PAPPA2: variants seen among roughly 807,000 people sequenced by gnomAD.
The protein encoded by PAPPA2 is pappalysin-2.
A neutral mutation model predicts 176.4 loss-of-function variants in PAPPA2; 86 were observed. The observed-to-expected ratio is 0.49, with a 90% CI of 0.41 to 0.58. The LOEUF is 0.58. PAPPA2 is among the 20% of genes least tolerant of loss of function. The pLI is 0.00. For missense variants in PAPPA2, 2,073 were observed against 2,256.9 expected (o/e 0.92, Z 1.65); for synonymous variants, 809 against 852.2 (o/e 0.95, Z 0.88).
chr1:176,698,730 T>C (rs970476442), intron 7 of PAPPA2, among the ~76,000 whole-genome samples: 2 of 152,112 alleles, frequency 1.3e-5, no homozygotes, highest in Admixed American at 1.3e-4. Flanking sequence ...TTCAGAAGCA[T>C]TAATTTATCA....
chr1:176,804,055 T>A (rs1665793708), intron 21 of PAPPA2, among the ~76,000 whole-genome samples: 1 of 152,140 alleles, frequency 6.6e-6, no homozygotes, highest in Admixed American at 6.5e-5. Context: ...TATAACAGGG[T>A]TTTAATAGTA....
chr1:176,516,122 C>T (rs1311103645), intron 1 of PAPPA2, among the ~76,000 whole-genome samples: 1 of 152,140 alleles, frequency 6.6e-6, no homozygotes, highest in African/African-American at 2.4e-5. Flanking sequence ...GGAAGAGCAA[C>T]TGTGTAGGGG....
chr1:176,663,111 C>T (rs938981973), intron 3 of PAPPA2, among the ~76,000 whole-genome samples: 2 of 152,120 alleles, frequency 1.3e-5, no homozygotes, highest in Admixed American at 1.3e-4. Context: ...TCTTCTGTGT[C>T]CATTTTGGAA....
In PAPPA2 at chr1:176,573,125, G is replaced by A. The variant is rs562726412; in HGVS notation, c.919+15884G>A. 2.6e-5 allele frequency among the ~76,000 whole-genome samples: 4 copies of A among 152,226 alleles called. No individual in the cohort carries two copies. The East Asian group carries it at 5.8e-4, about 22-fold the overall frequency. The stretch of plus-strand genomic sequence containing the variant: ...CAGGTCTCTGTGTCTCTTCCAGGAC[G>A]ACAGGTGCTGGTCACTAAGCTATCT... On this transcript the variant is annotated intron_variant, in intron 2 of 22. Transcript: ENST00000367662.
At chr1:176,618,579 C>T (rs756412545) in intron 3 of PAPPA2, among the ~76,000 whole-genome samples, 9 of 152,160 alleles carry the variant, frequency 5.9e-5, no homozygotes, top group East Asian at 1.9e-4. Context: ...TGTGTGCATT[C>T]GCTCATTTGT....
At chr1:176,712,230 C>A (rs988557246) in intron 12 of PAPPA2, among the ~76,000 whole-genome samples, 4 of 152,090 alleles carry the variant, frequency 2.6e-5, no homozygotes, top group African/African-American at 9.7e-5. Context: ...ATCAGAAATG[C>A]ATAATAGCTC....
intron 1 of PAPPA2, among the ~76,000 whole-genome samples, chr1:176,467,928 T>C (rs1376992838): frequency 1.3e-5 from 2 of 152,170 alleles, no homozygotes; most frequent in African/African-American, 2.4e-5. Flanking sequence ...ATTTGATAAA[T>C]AGATGAAGAA....
At position 176,556,684 on chromosome 1, in the gene PAPPA2, C is replaced by A. The variant is rs1651318071; in HGVS notation, c.362C>A (p.Ala121Glu). 6.2e-7 allele frequency: 1 copy of A among 1,614,000 alleles called. No homozygotes were observed. Among genetic ancestry groups the A allele is most frequent in the Non-Finnish European group, 8.5e-7 (1 of 1,180,002 alleles). Reference protein sequence around the residue: ...LTENPAGLRGAVEEPAAPWVG... With the variant: ...LTENPAGLRGEVEEPAAPWVG... ...GAAAATCCAGCAGGACTGAGGGGTG[C>A]AGTTGAAGAGCCGGCTGCCCCATGG... Residue 121 changes from alanine to glutamate, a missense_variant, in exon 2 of 23, where the codon GCA (alanine) becomes GAA (glutamate). By Grantham distance (107) the Ala-to-Glu change is moderately radical. Transcript: ENST00000367662.
chr1:176,793,124 A>C (rs1571336149), intron 19 of PAPPA2, among the ~76,000 whole-genome samples: 1 of 152,282 alleles, frequency 6.6e-6, no homozygotes, highest in East Asian at 1.9e-4. Flanking sequence ...AGTTGTTGCA[A>C]TTTTAAGCTT....
intron 3 of PAPPA2, among the ~76,000 whole-genome samples, chr1:176,639,295 C>T (rs1656922997): frequency 6.6e-6 from 1 of 152,050 alleles, no homozygotes; most frequent in Admixed American, 6.6e-5. Flanking sequence ...TAGGGAAGCT[C>T]TTAGACAGAG....
intron 1 of PAPPA2, among the ~76,000 whole-genome samples, chr1:176,511,453 G>T (rs910404821): frequency 3.9e-5 from 6 of 152,250 alleles, no homozygotes; most frequent in Admixed American, 2.6e-4. Context: ...TTCCATTTAG[G>T]ACTGTGAACA....
At chr1:176,752,944 T>C (rs1663248946) in intron 14 of PAPPA2, among the ~76,000 whole-genome samples, 2 of 152,186 alleles carry the variant, frequency 1.3e-5, no homozygotes, top group African/African-American at 4.8e-5. Context: ...TTAAGTCCAG[T>C]GCAAATAATT....
chr1:176,797,322 A>AAAC (rs1665488287), intron 20 of PAPPA2, among the ~76,000 whole-genome samples: 1 of 152,164 alleles, frequency 6.6e-6, no homozygotes, highest in Admixed American at 6.5e-5. Flanking sequence ...GCTTTATATG[A>AAAC]TTGTAATTTT....
chr1:176,516,545 T>A (rs1235362302), intron 1 of PAPPA2, among the ~76,000 whole-genome samples: 1 of 152,132 alleles, frequency 6.6e-6, no homozygotes, highest in Non-Finnish European at 1.5e-5. Flanking sequence ...GGGTTATAAG[T>A]GCTCTGCCCT....
intron 2 of PAPPA2, among the ~76,000 whole-genome samples, chr1:176,592,567 G>GCC (rs757108434): frequency 1.3e-5 from 2 of 152,112 alleles, no homozygotes; most frequent in African/African-American, 4.8e-5. Flanking sequence ...TAATAGACTA[G>GCC]AAGTTCTAGG....
intron 12 of PAPPA2, among the ~76,000 whole-genome samples, chr1:176,729,968 TC>T (rs201124298): frequency 2.3e-4 from 35 of 151,366 alleles, no homozygotes; most frequent in African/African-American, 5.8e-4. Flanking sequence ...GGTAGATTTT[TC>T]TTTTTAGTTG....
rs369131584 is a variant in PAPPA2 at position 176,800,102 on chromosome 1, C to G, written c.5172C>G (p.Pro1724=). ...CTGRRQWHPD[P]VLVHCIQSCE... ...GCCGGCGTCAATGGCACCCAGACCCCGTCTTAGTCCACTGCATCCAGTCAT... is the reference window on the plus strand; with the variant it reads ...GCCGGCGTCAATGGCACCCAGACCCGGTCTTAGTCCACTGCATCCAGTCAT... Residue 1724 remains proline, a synonymous_variant, in exon 21 of 23, where the codon CCC becomes CCG. Transcript: ENST00000367662. The G allele has an allele frequency of 6.8e-6, 11 of 1,614,070 alleles. No individual in the cohort carries two copies. The highest frequency in any genetic ancestry group is 1.1e-5 in the South Asian group (1 of 91,080).
chr1:176,774,530 C>CT (rs1481661238), intron 17 of PAPPA2, among the ~76,000 whole-genome samples: 1 of 152,172 alleles, frequency 6.6e-6, no homozygotes, highest in Non-Finnish European at 1.5e-5. Flanking sequence ...GTTATCAACT[C>CT]TGAGTGTCAT....
chr1:176,702,018 G>T (rs1660670905), intron 8 of PAPPA2, among the ~76,000 whole-genome samples: 1 of 152,122 alleles, frequency 6.6e-6, no homozygotes, highest in African/African-American at 2.4e-5. Context: ...TAATAGATTT[G>T]GAGGTGGGGA....
Sources: gnomAD v4.1 joint callset for allele counts (sites outside exome capture counted in the v4.1 genomes callset) on GRCh38, gnomAD v4.1.1 for gene constraint, MANE v1.5 for transcripts, NCBI Gene and HGNC (gene_info 2026-07-23, HGNC 2026-07-21) for gene names.